The following DHX57 variants were observed in gnomAD, a reference collection of about 807,000 sequenced individuals.
DHX57 encodes putative ATP-dependent RNA helicase DHX57.
Under a neutral mutation model 156.2 loss-of-function variants are expected in DHX57, and 105 were observed. The ratio of observed to expected loss-of-function variants is 0.67; its 90% CI spans 0.57 to 0.79. DHX57 has a LOEUF of 0.79. Among genes scored for constraint, DHX57 ranks in the 30% least tolerant of loss-of-function variants. The pLI, the probability that DHX57 is intolerant of heterozygous loss-of-function variation, is 0.00. For missense variants in DHX57, 1,847 were observed against 1,661.9 expected (o/e 1.11, Z -1.94); for synonymous variants, 704 against 595.6 (o/e 1.18, Z -2.65).
At chr2:38,804,490 A>G (rs1347394060) in intron 22 of DHX57, among the ~76,000 whole-genome samples, 19 of 152,178 alleles carry the variant, frequency 1.2e-4, no homozygotes. Flanking sequence ...ACTCTGTCTC[A>G]ATAAATAAAT....
At chr2:38,863,281 C>A (rs1673331684) in intron 3 of DHX57, 80 bp downstream of exon 3, 2 of 1,425,626 alleles carry the variant, frequency 1.4e-6, no homozygotes, top group Non-Finnish European at 1.9e-6. Flanking sequence ...ACTGACACAG[C>A]ATTCCAAAGA....
chr2:38,861,959 G>T, intron 4 of DHX57, 122 bp from the exon 5 acceptor site: 1 of 1,256,926 alleles, frequency 8.0e-7, no homozygotes, highest in Non-Finnish European at 1.1e-6. Flanking sequence ...CTTGTATTTT[G>T]AAAAAGCATC....
intron 1 of DHX57, among the ~76,000 whole-genome samples, chr2:38,869,386 A>G (rs956568530): frequency 1.3e-5 from 2 of 152,230 alleles, no homozygotes; most frequent in African/African-American, 4.8e-5. Flanking sequence ...GATGTAGTTT[A>G]GACTGTTGGC....
intron 21 of DHX57, chr2:38,811,445 C>T: frequency 1.6e-6 from 1 of 615,530 alleles, no homozygotes; most frequent in South Asian, 1.4e-5. Flanking sequence ...AGATGAACTC[C>T]TCCACGAACT....
At chr2:38,820,160 G>A (rs1260947646) in intron 17 of DHX57, among the ~76,000 whole-genome samples, 1 of 152,056 alleles carries the variant, frequency 6.6e-6, no homozygotes, top group Non-Finnish European at 1.5e-5. Context: ...TAATACAATA[G>A]CAATAAAATT....
chr2:38,820,233 A>G (rs1670742846), intron 17 of DHX57, among the ~76,000 whole-genome samples: 1 of 152,198 alleles, frequency 6.6e-6, no homozygotes, highest in Non-Finnish European at 1.5e-5. Flanking sequence ...AAAGGATTGC[A>G]CGTGGGAGAT....
chr2:38,855,291 C>G (rs761402424), intron 7 of DHX57, 39 bp from the exon 8 acceptor site: 2 of 1,591,400 alleles, frequency 1.3e-6, no homozygotes, highest in South Asian at 2.2e-5. Flanking sequence ...ATGAAGTTTT[C>G]AAGGGCTAGT....
At chr2:38,820,411 T>C (rs951202642) in intron 17 of DHX57, among the ~76,000 whole-genome samples, 11 of 151,922 alleles carry the variant, frequency 7.2e-5, no homozygotes, top group African/African-American at 1.7e-4. Context: ...CATTACACCA[T>C]GGAACCTCAA....
chr2:38,818,819 AC>A, intron 19 of DHX57, 57 bp downstream of exon 19: 1 of 1,573,602 alleles, frequency 6.4e-7, no homozygotes, highest in Non-Finnish European at 8.7e-7. Context: ...AAGTCGCAGC[AC>A]CCTCTGGTGA....
At chr2:38,862,535 G>A in intron 3 of DHX57, 1 of 428,854 alleles carries the variant, frequency 2.3e-6, no homozygotes, top group Non-Finnish European at 3.9e-6. Flanking sequence ...TGTGTTAAGT[G>A]CTTTATATGA....
intron 5 of DHX57, among the ~76,000 whole-genome samples, chr2:38,859,099 C>G (rs900960645): frequency 2.5e-4 from 38 of 152,032 alleles, no homozygotes; most frequent in African/African-American, 8.5e-4. Flanking sequence ...CGCAAGTGTC[C>G]CCAAATCCCA....
At chr2:38,803,137 C>G (rs886679384) in intron 22 of DHX57, 57 of 541,566 alleles carry the variant, frequency 1.1e-4, no homozygotes, top group Admixed American at 7.8e-4. Context: ...AAAAAAAAAG[C>G]TTTTATTTTT....
rs192550840 is a variant in DHX57 at position 38,836,369 on chromosome 2, T to C, written c.2542+1462A>G. Among the ~76,000 whole-genome samples the C allele has an allele frequency of 9.8e-5, 15 of 152,294 alleles. No individual in the cohort carries two copies. In the East Asian group the frequency reaches 1.2e-3, roughly 12 times the overall value. ...CTACTGAATGTGAAGGCAACAAAGA[T>C]GAAGACCTTTATGATAATCTGCTTC... On this transcript the variant is annotated intron_variant, in intron 13 of 23. Transcript: ENST00000457308.
At chr2:38,840,777 A>C (rs1270232051) in intron 12 of DHX57, among the ~76,000 whole-genome samples, 1 of 152,122 alleles carries the variant, frequency 6.6e-6, no homozygotes, top group African/African-American at 2.4e-5. Context: ...GATTAGATTC[A>C]GTGATAATTT....
intron 15 of DHX57, 31 bp downstream of exon 15, chr2:38,826,485 C>T: frequency 1.2e-6 from 2 of 1,601,348 alleles, no homozygotes; most frequent in East Asian, 4.5e-5. Flanking sequence ...CATTTTTAGC[C>T]CCTCTCTTAC....
chr2:38,849,131 G>A (rs866791198), intron 9 of DHX57, among the ~76,000 whole-genome samples: 2 of 152,150 alleles, frequency 1.3e-5, no homozygotes, highest in Non-Finnish European at 2.9e-5. Flanking sequence ...GTTTGTAATA[G>A]TAAGACAGTA....
At chr2:38,811,671 G>C (rs1168004258) in intron 21 of DHX57, 3 of 1,117,536 alleles carry the variant, frequency 2.7e-6, no homozygotes, top group Non-Finnish European at 3.9e-6. Flanking sequence ...TGGGATTGGA[G>C]GTGCAATTCC....
intron 22 of DHX57, among the ~76,000 whole-genome samples, chr2:38,803,907 A>G (rs919352908): frequency 6.6e-6 from 1 of 151,806 alleles, no homozygotes; most frequent in African/African-American, 2.4e-5. Flanking sequence ...TCAGCCTCCC[A>G]AGTAGCTGGG....
In DHX57 at chr2:38,861,670, T is replaced by C. The variant is rs781767303; in HGVS notation, c.740A>G (p.Gln247Arg). Residue 247 changes from glutamine to arginine, a missense_variant, in exon 5 of 24, where the codon CAG (glutamine) becomes CGG (arginine). By Grantham distance (43) the Gln-to-Arg change is conservative (BLOSUM62 1). Transcript: ENST00000457308. The stretch of plus-strand genomic sequence containing the variant: ...GAGAGCAAATGCCTCTTCCTGTCGC[T>C]GTTCCATACACTCATCCAAGCTTAT... ...NQISLDECME[Q>R]RQEEAFALKS... The C allele has an allele frequency of 1.9e-6, 3 of 1,614,210 alleles. No individual in the cohort carries two copies. The highest frequency in any genetic ancestry group is 2.5e-6 in the Non-Finnish European group (3 of 1,180,036).
Sources: gnomAD v4.1 joint callset for allele counts (sites outside exome capture counted in the v4.1 genomes callset) on GRCh38, gnomAD v4.1.1 for gene constraint, MANE v1.5 for transcripts, NCBI Gene and HGNC (gene_info 2026-07-23, HGNC 2026-07-21) for gene names.